ZSWIM5: variants seen among roughly 807,000 people sequenced by gnomAD.
The protein encoded by ZSWIM5 is zinc finger SWIM-type containing 5, also known as zinc finger SWIM domain-containing protein 5.
ZSWIM5 carries 55 observed loss-of-function variants against 119.6 expected under a neutral mutation model. That is an observed-to-expected ratio of 0.46 (90% CI 0.37 to 0.58). ZSWIM5 has a LOEUF of 0.58. Ranked by LOEUF, ZSWIM5 falls within the 20% of genes least tolerant of loss-of-function variation. The probability of loss-of-function intolerance (pLI) is 0.00; values close to 1 mark genes in which losing one functional copy is unlikely to be tolerated. For missense variants in ZSWIM5, 1,193 were observed against 1,512.8 expected (o/e 0.79, Z 3.51); for synonymous variants, 537 against 606.9 (o/e 0.88, Z 1.69).
At chr1:45,130,415 G>A (rs1408794776) in intron 1 of ZSWIM5, among the ~76,000 whole-genome samples, 4 of 149,664 alleles carry the variant, frequency 2.7e-5, no homozygotes, top group Non-Finnish European at 5.9e-5. Context: ...ACCAAACAAC[G>A]CAATTAGCAA....
chr1:45,061,655 G>A (rs1484972252), intron 2 of ZSWIM5, among the ~76,000 whole-genome samples: 1 of 151,186 alleles, frequency 6.6e-6, no homozygotes, highest in East Asian at 1.9e-4. Flanking sequence ...ACAGGTGTGA[G>A]CCACCATGCC....
chr1:45,069,342 T>C (rs1008401917), intron 2 of ZSWIM5, among the ~76,000 whole-genome samples: 10 of 151,104 alleles, frequency 6.6e-5, no homozygotes, highest in Admixed American at 1.3e-4. Flanking sequence ...AGGAGAATGG[T>C]GTGAACCCGG....
intron 1 of ZSWIM5, 151 bp downstream of exon 1, chr1:45,205,605 G>A (rs190009802): frequency 5.5e-5 from 40 of 721,902 alleles, no homozygotes; most frequent in Non-Finnish European, 7.7e-5. Flanking sequence ...TGAGTGAAAG[G>A]TTGAAAAAAG....
At chr1:45,188,927 A>C (rs1160163260) in intron 1 of ZSWIM5, among the ~76,000 whole-genome samples, 1 of 152,246 alleles carries the variant, frequency 6.6e-6, no homozygotes, top group East Asian at 1.9e-4. Context: ...TCACTACTAA[A>C]TAAAGTTCTA....
chr1:45,020,624 C>A lies in ZSWIM5; in HGVS notation c.2613+1G>T, dbSNP rs1419383811. The A allele has an allele frequency of 1.2e-6, 2 of 1,613,616 alleles. No individual in the cohort carries two copies. Among genetic ancestry groups the A allele is most frequent in the Admixed American group, 1.7e-5 (1 of 59,880 alleles). On this transcript the variant is annotated splice_donor_variant, in intron 12 of 13. Transcript: ENST00000359600. LOFTEE classifies it high-confidence loss of function. ...GTGGATGGCCTACTCTTCCTCCATA[C>A]CTGTAACCCAAGTTCCAGGGCAACG...
At chr1:45,195,879 T>C (rs1275530620) in intron 1 of ZSWIM5, among the ~76,000 whole-genome samples, 2 of 151,318 alleles carry the variant, frequency 1.3e-5, no homozygotes, top group Admixed American at 6.6e-5. Context: ...TTTTCTTTTT[T>C]TTTTTTTTAG....
chr1:45,172,620 T>C (rs1209565694), intron 1 of ZSWIM5, among the ~76,000 whole-genome samples: 2 of 152,046 alleles, frequency 1.3e-5, no homozygotes, highest in African/African-American at 4.8e-5. Context: ...CTTTATATTT[T>C]AATAGGTGCC....
At chr1:45,177,676 C>T (rs147581088) in intron 1 of ZSWIM5, among the ~76,000 whole-genome samples, 2 of 152,142 alleles carry the variant, frequency 1.3e-5, no homozygotes, top group African/African-American at 4.8e-5. Context: ...ATGACACATC[C>T]TTATGTTGCC....
chr1:45,051,452 T>G (rs187473136), intron 4 of ZSWIM5, among the ~76,000 whole-genome samples, 199 bp from the exon 5 acceptor site: 1 of 152,306 alleles, frequency 6.6e-6, no homozygotes, highest in East Asian at 1.9e-4. Flanking sequence ...GACTATCTTA[T>G]TTCAATCTGT....
chr1:45,194,702 C>A (rs1344504603), intron 1 of ZSWIM5, among the ~76,000 whole-genome samples: 1 of 152,052 alleles, frequency 6.6e-6, no homozygotes, highest in South Asian at 2.1e-4. Flanking sequence ...ACAGTGAAAC[C>A]CTGTTTCTAC....
intron 1 of ZSWIM5, among the ~76,000 whole-genome samples, chr1:45,091,651 G>A (rs1302957982): frequency 1.3e-5 from 2 of 152,088 alleles, no homozygotes; most frequent in Non-Finnish European, 1.5e-5. Flanking sequence ...GACAGAGCAA[G>A]ATTCTGTCTC....
In ZSWIM5 at chr1:45,206,560, A is replaced by T. The variant is rs1272046512; in HGVS notation, c.-210T>A. 80 of 999,650 alleles carry T rather than the reference A, an allele frequency of 8.0e-5. No individual in the cohort carries two copies. The highest frequency in any genetic ancestry group is 9.3e-5 in the Non-Finnish European group (78 of 840,254). 61.9% of individuals were successfully genotyped at this position (999,650 alleles called of 1,614,324 possible). A position where few individuals can be genotyped will look rare whatever the true frequency, so the allele number is the denominator to read the frequency against. ...GGCAGACGCGGGCGGCCTGCAGGGTAGCGTGAGGCGGCGCGCGGTGTCCTG... is the reference window on the plus strand; with the variant it reads ...GGCAGACGCGGGCGGCCTGCAGGGTTGCGTGAGGCGGCGCGCGGTGTCCTG... On this transcript the variant is annotated 5_prime_UTR_variant, in exon 1 of 14. Transcript: ENST00000359600.
chr1:45,158,196 G>C (rs1269697016), intron 1 of ZSWIM5, among the ~76,000 whole-genome samples: 1 of 151,948 alleles, frequency 6.6e-6, no homozygotes, highest in Non-Finnish European at 1.5e-5. Context: ...AGACAGTCTT[G>C]CTCTGTCGCC....
intron 2 of ZSWIM5, among the ~76,000 whole-genome samples, chr1:45,074,452 T>C (rs1191407408): frequency 6.6e-6 from 1 of 151,878 alleles, no homozygotes; most frequent in Non-Finnish European, 1.5e-5. Flanking sequence ...TCAGTCTTGA[T>C]AGGTTATATG....
chr1:45,148,662 A>G (rs956218528), intron 1 of ZSWIM5, among the ~76,000 whole-genome samples: 2 of 152,218 alleles, frequency 1.3e-5, no homozygotes, highest in African/African-American at 2.4e-5. Flanking sequence ...TGTATAACCA[A>G]TCAAAGATGT....
chr1:45,163,481 C>T lies in ZSWIM5; in HGVS notation c.595+42275G>A, dbSNP rs550423325. Among the ~76,000 whole-genome samples, 9 of 152,266 alleles carry T rather than the reference C, an allele frequency of 5.9e-5. No individual in the cohort carries two copies. In the South Asian group the frequency reaches 6.2e-4, roughly 11 times the overall value. On this transcript the variant is annotated intron_variant, in intron 1 of 13. Transcript: ENST00000359600. ...AAAGCTAGACAGAGAATGACTTTGA[C>T]GAGTTGAGAGAAGGCTTCAGAAGAT...
chr1:45,047,752 C>T (rs1331599941), intron 5 of ZSWIM5, among the ~76,000 whole-genome samples: 1 of 152,108 alleles, frequency 6.6e-6, no homozygotes. Context: ...CCTTCTAGAA[C>T]AGTATTTCTT....
chr1:45,125,492 C>CAA (rs200951713), intron 1 of ZSWIM5, among the ~76,000 whole-genome samples: 2 of 145,024 alleles, frequency 1.4e-5, no homozygotes, highest in African/African-American at 5.0e-5. Flanking sequence ...TCAAAAAAAA[C>CAA]AAAAAAAAAC....
intron 6 of ZSWIM5, among the ~76,000 whole-genome samples, chr1:45,042,487 A>AAG (rs559392734): frequency 4.1e-4 from 62 of 152,330 alleles, no homozygotes; most frequent in African/African-American, 1.4e-3. Flanking sequence ...TATTGCTTTC[A>AAG]AGAGAGAGAG....
Sources: allele counts gnomAD v4.1 joint callset (sites outside exome capture counted in the v4.1 genomes callset), GRCh38; gene constraint gnomAD v4.1.1; transcripts MANE v1.5; gene names NCBI Gene and HGNC (gene_info 2026-07-23, HGNC 2026-07-21).